Variants in RIMS2 observed in about 807,000 individuals in gnomAD.
The protein encoded by RIMS2 is regulating synaptic membrane exocytosis protein 2.
Under a neutral mutation model 174.4 loss-of-function variants are expected in RIMS2, and 59 were observed. That is an observed-to-expected ratio of 0.34 (90% confidence interval 0.27 to 0.42). RIMS2 has a LOEUF of 0.42. Among genes scored for constraint, RIMS2 ranks in the 10% least tolerant of loss-of-function variants. The probability of loss-of-function intolerance (pLI) is 1.00; values close to 1 mark genes in which losing one functional copy is unlikely to be tolerated. For synonymous variants in RIMS2, 606 were observed against 572.5 expected (o/e 1.06, Z -0.84); for missense variants, 1,620 against 1,666.3 (o/e 0.97, Z 0.48).
At chr8:103,599,372 A>T (rs1159428993) in intron 1 of RIMS2, among the ~76,000 whole-genome samples, 1 of 149,382 alleles carries the variant, frequency 6.7e-6, no homozygotes, top group Non-Finnish European at 1.5e-5. Context: ...GTTTGACTCC[A>T]GAGTTTGTAT....
chr8:103,665,592 A>G (rs556923311), intron 1 of RIMS2, among the ~76,000 whole-genome samples: 60 of 152,362 alleles, frequency 3.9e-4, no homozygotes, highest in African/African-American at 1.3e-3. Context: ...ACTGATTTCT[A>G]TAACTTGTGA....
chr8:104,176,487 C>T (rs200000532), intron 19 of RIMS2, among the ~76,000 whole-genome samples: 1 of 152,090 alleles, frequency 6.6e-6, no homozygotes, highest in Non-Finnish European at 1.5e-5. Flanking sequence ...GGCTTGAATC[C>T]TGGTCCTTAA....
intron 1 of RIMS2, among the ~76,000 whole-genome samples, chr8:103,599,721 A>G (rs1474630567): frequency 6.6e-6 from 1 of 151,978 alleles, no homozygotes; most frequent in Non-Finnish European, 1.5e-5. Context: ...AAGTGCTGGG[A>G]TTACAGGCAT....
At chr8:104,252,691 A>G (rs1428392425), downstream of RIMS2, 7 of 152,370 alleles carry the variant, frequency 4.6e-5, no homozygotes, top group East Asian at 1.3e-3. Context: ...TTTGGCAGAC[A>G]TTACAAATGG....
intron 1 of RIMS2, among the ~76,000 whole-genome samples, chr8:103,644,422 T>G (rs1211700664): frequency 6.6e-6 from 1 of 152,104 alleles, no homozygotes; most frequent in Admixed American, 6.6e-5. Context: ...TTCCAAGATC[T>G]TTATATGTCA....
chr8:104,056,088 A>G (rs2096863624), intron 19 of RIMS2, among the ~76,000 whole-genome samples: 2 of 152,202 alleles, frequency 1.3e-5, no homozygotes, highest in African/African-American at 4.8e-5. Context: ...AACAAAAAAC[A>G]CTTAAACATC....
In RIMS2 at chr8:103,731,609, G is replaced by A. The variant is rs373645871; in HGVS notation, c.387+34313G>A. Among the ~76,000 whole-genome samples the A allele has an allele frequency of 1.1e-4, 16 of 152,168 alleles. 1 individual carries two copies. Among genetic ancestry groups the A allele is most frequent in the East Asian group, 9.7e-4 (5 of 5,170 alleles). On this transcript the variant is annotated intron_variant, in intron 2 of 23. Coordinates refer to ENST00000504942, the Ensembl canonical transcript of RIMS2. The stretch of plus-strand genomic sequence containing the variant: ...ATTTTGAAGCTATTTTCTAAATCTT[G>A]TAGTCCTGCTTTATTCTTTTTTATT...
chr8:104,065,234 A>G (rs568819507), intron 19 of RIMS2, among the ~76,000 whole-genome samples: 6 of 152,274 alleles, frequency 3.9e-5, no homozygotes, highest in African/African-American at 1.4e-4. Context: ...CATTCAATTT[A>G]TCACTTTCAT....
rs143665185 is a variant in RIMS2, at chr8:103,836,253, T to C, written c.699-49045T>C. ...GATAATTATTTATAATCATGGCTGATCTTTTAAATTAATAAGTTTTCAAGC... is the reference window on the plus strand; with the variant it reads ...GATAATTATTTATAATCATGGCTGACCTTTTAAATTAATAAGTTTTCAAGC... On this transcript the variant is annotated intron_variant, in intron 3 of 23. Coordinates refer to ENST00000504942, the Ensembl canonical transcript of RIMS2. 4.4e-3 allele frequency among the ~76,000 whole-genome samples: 671 copies of C among 152,300 alleles called. 24 individuals are homozygous for C. Among genetic ancestry groups the C allele is most frequent in the Admixed American group, 0.035 (537 of 15,294 alleles).
intron 1 of RIMS2, among the ~76,000 whole-genome samples, chr8:103,600,535 T>C (rs2094685917): frequency 6.6e-6 from 1 of 152,126 alleles, no homozygotes; most frequent in Non-Finnish European, 1.5e-5. Flanking sequence ...CCTCCCAAAG[T>C]GCTGGGATTA....
chr8:104,001,960 C>T (rs2095408389), intron 17 of RIMS2, among the ~76,000 whole-genome samples: 2 of 152,014 alleles, frequency 1.3e-5, no homozygotes, highest in Non-Finnish European at 1.5e-5. Context: ...CTAAACTTCA[C>T]AGTTCCTGCC....
intron 16 of RIMS2, among the ~76,000 whole-genome samples, chr8:103,981,138 G>C (rs1313174407): frequency 6.6e-6 from 1 of 152,196 alleles, no homozygotes; most frequent in Non-Finnish European, 1.5e-5. Flanking sequence ...ACCCAATGCT[G>C]TTCTGGCTTC....
At chr8:103,766,284 G>T (rs565355544) in exon 3 of RIMS2, 1 of 1,613,542 alleles carries the variant, frequency 6.2e-7, no homozygotes, top group African/African-American at 1.3e-5. Flanking sequence ...TAAATCAGGA[G>T]CATGGTTTTA....
At chr8:103,764,858 T>C (rs1354953750) in intron 2 of RIMS2, among the ~76,000 whole-genome samples, 1 of 152,166 alleles carries the variant, frequency 6.6e-6, no homozygotes, top group Admixed American at 6.5e-5. Flanking sequence ...GTAGAAGATG[T>C]AGTTCCTGCC....
At chr8:103,554,906 A>G (rs141638889) in intron 1 of RIMS2, among the ~76,000 whole-genome samples, 37 of 152,294 alleles carry the variant, frequency 2.4e-4, no homozygotes, top group African/African-American at 8.7e-4. Context: ...TGGAGGCCAT[A>G]ATCCCAAGTG....
Position 103,989,262 on chromosome 8 carries a change from T to C in RIMS2, c.2928-43T>C, listed in dbSNP as rs746557660. ...AAAATAAACCTCGTTTCTTAGTGTT[T>C]CAAATGGTTTACTAAGATATTGAAT... On this transcript the variant is annotated intron_variant, in intron 16 of 23. Transcript: ENST00000504942. 3.5e-6 allele frequency: 4 copies of C among 1,149,568 alleles called. No homozygotes were observed. In the South Asian group the frequency reaches 3.8e-5, roughly 11 times the overall value. 71.2% of individuals were successfully genotyped at this position (1,149,568 alleles called of 1,614,324 possible). A position where few individuals can be genotyped will look rare whatever the true frequency, so the allele number is the denominator to read the frequency against.
At chr8:103,598,314 G>A (rs960144453) in intron 1 of RIMS2, among the ~76,000 whole-genome samples, 5 of 152,078 alleles carry the variant, frequency 3.3e-5, no homozygotes, top group East Asian at 1.9e-4. Flanking sequence ...CTGATCATAC[G>A]GACATTTGAA....
At chr8:104,171,950 T>A (rs576727512) in intron 19 of RIMS2, among the ~76,000 whole-genome samples, 108 of 152,352 alleles carry the variant, frequency 7.1e-4, no homozygotes, top group African/African-American at 2.5e-3. Context: ...GTGTGTTGGC[T>A]TTCCCAAATG....
At chr8:103,542,162 C>T (rs1563706478) in intron 1 of RIMS2, among the ~76,000 whole-genome samples, 1 of 151,976 alleles carries the variant, frequency 6.6e-6, no homozygotes, top group Non-Finnish European at 1.5e-5. Flanking sequence ...AAAGATATTC[C>T]AACTCAGACC....
Sources: allele counts gnomAD v4.1 joint callset (sites outside exome capture counted in the v4.1 genomes callset), GRCh38; gene constraint gnomAD v4.1.1; transcripts MANE v1.5; gene names NCBI Gene and HGNC (gene_info 2026-07-23, HGNC 2026-07-21).